The following ABCD2 variants were observed in gnomAD, a reference collection of about 807,000 sequenced individuals.
The protein encoded by ABCD2 is ATP-binding cassette sub-family D member 2.
ABCD2 carries 36 observed loss-of-function variants against 70.9 expected under a neutral mutation model. That is an observed-to-expected ratio of 0.51 (90% CI 0.39 to 0.67). ABCD2 has a LOEUF of 0.67. Ranked by LOEUF, ABCD2 falls within the 30% of genes least tolerant of loss-of-function variation. The pLI, the probability that ABCD2 is intolerant of heterozygous loss-of-function variation, is 0.00. For synonymous variants in ABCD2, 304 were observed against 306.9 expected (o/e 0.99, Z 0.10); for missense variants, 729 against 890.2 (o/e 0.82, Z 2.30).
chr12:39,573,107 T>C (rs2120591763), intron 9 of ABCD2, among the ~76,000 whole-genome samples: 1 of 152,238 alleles, frequency 6.6e-6, no homozygotes, highest in African/African-American at 2.4e-5. Context: ...AAATAAGATG[T>C]ACCTGGAACA....
At chr12:39,582,228 A>G (rs375201120) in intron 7 of ABCD2, among the ~76,000 whole-genome samples, 91 of 152,282 alleles carry the variant, frequency 6.0e-4, no homozygotes, top group African/African-American at 2.1e-3. Context: ...TTACCATAGT[A>G]TAGTGGCATA....
At chr12:39,562,969 T>C (rs1941282641) in intron 9 of ABCD2, among the ~76,000 whole-genome samples, 1 of 152,092 alleles carries the variant, frequency 6.6e-6, no homozygotes, top group South Asian at 2.1e-4. Flanking sequence ...TTCACCATGA[T>C]CACGTGGAAT....
the ABCD2 span, among the ~76,000 whole-genome samples, chr12:39,538,930 A>C: frequency 6.6e-6 from 1 of 152,060 alleles, no homozygotes; most frequent in Non-Finnish European, 1.5e-5. Context: ...TTTACAGAGG[A>C]CTATAAAACC....
At chr12:39,531,792 A>G in the ABCD2 span, among the ~76,000 whole-genome samples, 1 of 152,220 alleles carries the variant, frequency 6.6e-6, no homozygotes, top group Non-Finnish European at 1.5e-5. Context: ...TCTGTACAAT[A>G]TTTTAAATGC....
chr12:39,589,161 A>G (rs1022921018), intron 6 of ABCD2, among the ~76,000 whole-genome samples: 1 of 152,128 alleles, frequency 6.6e-6, no homozygotes, highest in African/African-American at 2.4e-5. Context: ...AAAGAGAAGG[A>G]GAGGTTTTCA....
At chr12:39,562,260 C>T (rs1463564183) in intron 9 of ABCD2, among the ~76,000 whole-genome samples, 1 of 151,746 alleles carries the variant, frequency 6.6e-6, no homozygotes, top group Non-Finnish European at 1.5e-5. Flanking sequence ...AAATAAACAA[C>T]CTAATATTGT....
At chr12:39,582,070 T>A (rs1941603317) in intron 7 of ABCD2, among the ~76,000 whole-genome samples, 1 of 152,234 alleles carries the variant, frequency 6.6e-6, no homozygotes, top group African/African-American at 2.4e-5. Context: ...TCTTTCAAAT[T>A]AAATAATGCA....
Position 39,604,011 on chromosome 12 carries a change from A to G in ABCD2, c.1406-5T>C. 6.3e-7 allele frequency: 1 copy of G among 1,591,108 alleles called. No individual in the cohort carries two copies. Among genetic ancestry groups the G allele is most frequent in the East Asian group, 2.2e-5 (1 of 44,514 alleles). On this transcript the variant is annotated splice_region_variant and splice_polypyrimidine_tract_variant and intron_variant, in intron 4 of 9. Transcript: ENST00000308666. ...GATCCACATCAATAACTTTTCCTGT[A>G]ATTAAGAAAAAGTGTAAGATACAAA...
intron 9 of ABCD2, among the ~76,000 whole-genome samples, chr12:39,570,860 C>G (rs1941437528): frequency 6.6e-6 from 1 of 152,082 alleles, no homozygotes; most frequent in East Asian, 1.9e-4. Flanking sequence ...TATCTGATAA[C>G]AGCCAACATA....
At chr12:39,579,688 C>G in intron 7 of ABCD2, 69 bp from the exon 8 acceptor site, 5 of 1,209,308 alleles carry the variant, frequency 4.1e-6, no homozygotes, top group East Asian at 2.5e-5. Context: ...CTACCCTAGA[C>G]AAGTGATTCC....
the ABCD2 span, among the ~76,000 whole-genome samples, chr12:39,536,990 T>C: frequency 6.6e-6 from 1 of 152,170 alleles, no homozygotes; most frequent in African/African-American, 2.4e-5. Context: ...CATTACCAAA[T>C]GTGCCTAAAC....
intron 9 of ABCD2, among the ~76,000 whole-genome samples, chr12:39,573,025 A>G (rs990981500): frequency 2.4e-4 from 36 of 152,272 alleles, no homozygotes; most frequent in Middle Eastern, 3.4e-3. Context: ...TCACTTTTCT[A>G]GTTCTCAGTT....
chr12:39,564,851 T>C (rs1373377506), intron 9 of ABCD2, among the ~76,000 whole-genome samples: 1 of 152,240 alleles, frequency 6.6e-6, no homozygotes, highest in Non-Finnish European at 1.5e-5. Flanking sequence ...TACTTATGGC[T>C]AGCCAGTTTT....
chr12:39,533,525 C>CAT, the ABCD2 span, among the ~76,000 whole-genome samples: 2 of 152,182 alleles, frequency 1.3e-5, no homozygotes, highest in Non-Finnish European at 2.9e-5. Flanking sequence ...GGACTTTTCT[C>CAT]ATACCTCACA....
intron 5 of ABCD2, among the ~76,000 whole-genome samples, chr12:39,601,437 C>CTT (rs1941895880): frequency 6.6e-6 from 1 of 151,528 alleles, no homozygotes; most frequent in Non-Finnish European, 1.5e-5. Context: ...TATTTCTTAT[C>CTT]TATTGGATGC....
chr12:39,535,540 T>G, the ABCD2 span, among the ~76,000 whole-genome samples: 2 of 152,176 alleles, frequency 1.3e-5, no homozygotes, highest in African/African-American at 4.8e-5. Context: ...AATCTACAAA[T>G]AGTCCAAAAT....
chr12:39,607,504 T>C (rs1941984610), intron 3 of ABCD2, 95 bp downstream of exon 3: 4 of 1,034,634 alleles, frequency 3.9e-6, no homozygotes, highest in East Asian at 2.6e-5. Context: ...AGAAAAGATA[T>C]GTTTCCAAAA....
chr12:39,567,934 A>C (rs985041198), intron 9 of ABCD2, among the ~76,000 whole-genome samples: 124 of 152,074 alleles, frequency 8.2e-4, no homozygotes, highest in African/African-American at 2.7e-3. Flanking sequence ...TCTTTTCTTT[A>C]AGAATGTTGA....
intron 2 of ABCD2, among the ~76,000 whole-genome samples, chr12:39,616,510 A>G (rs1234358782): frequency 6.6e-6 from 1 of 152,076 alleles, no homozygotes; most frequent in Non-Finnish European, 1.5e-5. Flanking sequence ...CTCTGAAGCA[A>G]TATTCCTGCT....
Sources: gnomAD v4.1 joint callset for allele counts (sites outside exome capture counted in the v4.1 genomes callset) on GRCh38, gnomAD v4.1.1 for gene constraint, MANE v1.5 for transcripts, NCBI Gene and HGNC (gene_info 2026-07-23, HGNC 2026-07-21) for gene names.